REV1: variants seen among roughly 807,000 people sequenced by gnomAD.
REV1 encodes the protein REV1 DNA directed polymerase.
A neutral mutation model predicts 137.4 loss-of-function variants in REV1; 42 were observed. That is an observed-to-expected ratio of 0.31 (90% CI 0.24 to 0.40). REV1 has a LOEUF of 0.40. REV1 is among the 10% of genes least tolerant of loss of function. The probability of loss-of-function intolerance (pLI) is 1.00; values close to 1 mark genes in which losing one functional copy is unlikely to be tolerated. For missense variants in REV1, 1,282 were observed against 1,490.1 expected (o/e 0.86, Z 2.30); for synonymous variants, 524 against 519.2 (o/e 1.01, Z -0.12).
At chr2:99,465,178 C>A (rs1291538333) in intron 1 of REV1, among the ~76,000 whole-genome samples, 193 bp from the exon 2 acceptor site, 1 of 146,262 alleles carries the variant, frequency 6.8e-6, no homozygotes, top group Non-Finnish European at 1.5e-5. Context: ...TATAAAACAC[C>A]CTCCTACACA....
chr2:99,478,338 T>G (rs1352382128), intron 1 of REV1, among the ~76,000 whole-genome samples: 1 of 152,226 alleles, frequency 6.6e-6, no homozygotes, highest in East Asian at 1.9e-4. Context: ...CCTGCTTTCC[T>G]GTGTTCCAAA....
At chr2:99,473,031 T>A (rs962247980) in intron 1 of REV1, among the ~76,000 whole-genome samples, 5 of 152,080 alleles carry the variant, frequency 3.3e-5, no homozygotes, top group African/African-American at 1.2e-4. Flanking sequence ...CACAAACTAG[T>A]CAGGTTTTGA....
chr2:99,459,437 G>A (rs1683923053), intron 3 of REV1, among the ~76,000 whole-genome samples: 1 of 152,142 alleles, frequency 6.6e-6, no homozygotes, highest in African/African-American at 2.4e-5. Flanking sequence ...CAGCCATGGT[G>A]GCCCATACAT....
intron 1 of REV1, among the ~76,000 whole-genome samples, chr2:99,470,805 C>G (rs941405320): frequency 1.3e-5 from 2 of 152,178 alleles, no homozygotes; most frequent in African/African-American, 4.8e-5. Context: ...TTATAAATGA[C>G]CCGGTCTCCT....
intron 22 of REV1, among the ~76,000 whole-genome samples, chr2:99,401,781 T>C (rs1000240863): frequency 2.0e-5 from 3 of 152,164 alleles, no homozygotes; most frequent in Non-Finnish European, 2.9e-5. Flanking sequence ...TCAAATTTTT[T>C]TTTATTTTGT....
chr2:99,449,236 G>T, intron 4 of REV1, 100 bp downstream of exon 4: 2 of 645,226 alleles, frequency 3.1e-6, no homozygotes, highest in Non-Finnish European at 4.4e-6. Flanking sequence ...CTGCACTCTA[G>T]CCTGGGCGAC....
At chr2:99,439,890 G>A (rs867445280) in intron 5 of REV1, among the ~76,000 whole-genome samples, 74 of 152,044 alleles carry the variant, frequency 4.9e-4, no homozygotes, top group African/African-American at 1.6e-3. Context: ...AATCTAATAC[G>A]AAACCAGATG....
chr2:99,469,154 C>T (rs911394972), intron 1 of REV1, among the ~76,000 whole-genome samples: 1 of 152,120 alleles, frequency 6.6e-6, no homozygotes, highest in Non-Finnish European at 1.5e-5. Context: ...GGGGTAAAAA[C>T]AGCAAGCAAG....
In REV1 at chr2:99,407,443, T is replaced by G. The variant is rs889668214; in HGVS notation, c.2448+586A>C. Reference sequence around the variant, plus strand: ...AGCGGGTGCCTGTACCCCCAGCTACTCGGGAGGCTGAAGAAGGAGAATTGC... The same window carrying G: ...AGCGGGTGCCTGTACCCCCAGCTACGCGGGAGGCTGAAGAAGGAGAATTGC... On this transcript the variant is annotated intron_variant, in intron 15 of 22. Transcript: ENST00000258428. Among the ~76,000 whole-genome samples, 5 of 151,324 alleles carry G rather than the reference T, an allele frequency of 3.3e-5. No individual in the cohort carries two copies. The Middle Eastern group carries it at 0.01, about 311-fold the overall frequency.
At chr2:99,409,422 T>C (rs1197065014) in intron 14 of REV1, among the ~76,000 whole-genome samples, 1 of 152,152 alleles carries the variant, frequency 6.6e-6, no homozygotes, top group East Asian at 1.9e-4. Flanking sequence ...GTGTCAAAAG[T>C]CTCAAAATTT....
At chr2:99,414,697 CTT>C (rs532726266) in intron 12 of REV1, among the ~76,000 whole-genome samples, 5 of 152,166 alleles carry the variant, frequency 3.3e-5, no homozygotes, top group Non-Finnish European at 5.9e-5. Flanking sequence ...TCAGGGAAGA[CTT>C]TGTGTCTCTC....
Position 99,405,767 on chromosome 2 carries a change from C to T in REV1, c.2811+143G>A. 3 of 524,120 alleles carry T rather than the reference C, an allele frequency of 5.7e-6. No homozygotes were observed. The South Asian group carries it at 1.7e-4, about 30-fold the overall frequency. 32.5% of individuals were successfully genotyped at this position (524,120 alleles called of 1,614,324 possible). A position where few individuals can be genotyped will look rare whatever the true frequency, so the allele number is the denominator to read the frequency against. Reference sequence around the variant, plus strand: ...CTTATTTAGAATCCAACATCATGATCTACCCAAACAAGTGGCCCGTTCTCC... The same window carrying T: ...CTTATTTAGAATCCAACATCATGATTTACCCAAACAAGTGGCCCGTTCTCC... On this transcript the variant is annotated intron_variant, in intron 17 of 22. Transcript: ENST00000258428.
rs552334168 is a variant in REV1, at chr2:99,408,355, A to C, written c.2346-224T>G. 3 of 358,550 alleles carry C rather than the reference A, an allele frequency of 8.4e-6. No individual in the cohort carries two copies. The East Asian group carries it at 1.3e-4, about 16-fold the overall frequency. The allele number at this position is 358,550 out of a possible 1,614,324, so 22.2% of individuals were successfully genotyped here. On this transcript the variant is annotated intron_variant, in intron 14 of 22. Transcript: ENST00000258428. ...AAAATTATGGAACACTAGAACTTTA[A>C]GGTAAAAACCGTAATGGACACTTAG...
intron 6 of REV1, among the ~76,000 whole-genome samples, chr2:99,436,455 T>C (rs13419448): frequency 0.16 from 24,685 of 152,134 alleles, 2,511 homozygotes; most frequent in African/African-American, 0.27. Flanking sequence ...TATTAAATGG[T>C]TGAGCTGTGA....
At chr2:99,468,481 TACTC>T (rs754870830) in intron 1 of REV1, among the ~76,000 whole-genome samples, 18 of 152,348 alleles carry the variant, frequency 1.2e-4, no homozygotes, top group African/African-American at 4.1e-4. Context: ...TGACTAAACC[TACTC>T]ACTAAGAAGT....
chr2:99,442,533 T>C, intron 4 of REV1, 64 bp from the exon 5 acceptor site: 1 of 1,426,706 alleles, frequency 7.0e-7, no homozygotes, highest in Non-Finnish European at 9.8e-7. Context: ...TCATGAAAAA[T>C]ATTCAATGTC....
chr2:99,442,252 CAAAAAAAAAA>C (rs3070575), intron 5 of REV1, 55 bp downstream of exon 5: 9 of 536,856 alleles, frequency 1.7e-5, no homozygotes, highest in African/African-American at 9.2e-5. Context: ...AACTCCATCT[CAAAAAAAAAA>C]AAAAAAAAAA....
At position 99,424,242 on chromosome 2, in the gene REV1, G is replaced by A; in HGVS notation, c.1586C>T (p.Ala529Val). 6.2e-7 allele frequency: 1 copy of A among 1,613,802 alleles called. No individual in the cohort carries two copies. The highest frequency in any genetic ancestry group is 2.2e-5 in the East Asian group (1 of 44,856). The change falls in exon 10 of 23, where the codon GCT becomes GTT. Residue 529 changes from alanine to valine, a missense_variant. Physicochemically the swap from Ala to Val is moderately conservative, Grantham distance 64 (BLOSUM62 0). Transcript: ENST00000258428. ...TTGAAGATTAGGACATAGTTGTTTAGCATGCCCAAAAAACATTCCGTTCTT... is the reference window on the plus strand; with the variant it reads ...TTGAAGATTAGGACATAGTTGTTTAACATGCCCAAAAAACATTCCGTTCTT... ...GIKNGMFFGH[A>V]KQLCPNLQAV...
At chr2:99,421,950 T>C (rs1173001442) in intron 10 of REV1, among the ~76,000 whole-genome samples, 1 of 152,196 alleles carries the variant, frequency 6.6e-6, no homozygotes, top group Non-Finnish European at 1.5e-5. Flanking sequence ...GCATAAATTA[T>C]TATTTCAGTT....
Sources: gnomAD v4.1 joint callset for allele counts (sites outside exome capture counted in the v4.1 genomes callset) on GRCh38, gnomAD v4.1.1 for gene constraint, MANE v1.5 for transcripts, NCBI Gene and HGNC (gene_info 2026-07-23, HGNC 2026-07-21) for gene names.